Variants in CSNK1G3 observed in about 807,000 individuals in gnomAD.
CSNK1G3 encodes casein kinase I isoform gamma-3.
A neutral mutation model predicts 64.3 loss-of-function variants in CSNK1G3; 23 were observed. The observed-to-expected ratio is 0.36, with a 90% CI of 0.26 to 0.51. CSNK1G3 has a LOEUF of 0.51. Among genes scored for constraint, CSNK1G3 ranks in the 20% least tolerant of loss-of-function variants. The pLI is 0.96. For missense variants in CSNK1G3, 357 were observed against 510.5 expected (o/e 0.70, Z 2.90); for synonymous variants, 158 against 162.2 (o/e 0.97, Z 0.20).
intron 12 of CSNK1G3, among the ~76,000 whole-genome samples, chr5:123,609,910 G>GC (rs11432895): frequency 0.82 from 124,379 of 152,020 alleles, 51,309 homozygotes; most frequent in East Asian, 0.99. Context: ...AAAGGGCATG[G>GC]CATATTTATG....
intron 2 of CSNK1G3, among the ~76,000 whole-genome samples, chr5:123,550,586 T>A (rs1001972149): frequency 2.6e-5 from 4 of 152,222 alleles, no homozygotes; most frequent in African/African-American, 9.7e-5. Flanking sequence ...TTGAAGAACA[T>A]AGTTTTTGAT....
intron 2 of CSNK1G3, chr5:123,552,842 AAGTC>A: frequency 4.4e-6 from 1 of 229,750 alleles, no homozygotes; most frequent in Non-Finnish European, 8.6e-6. Flanking sequence ...TATTCCAAGA[AAGTC>A]AGAATCTTTC....
At chr5:123,588,084 C>T (rs112303138) in exon 7 of CSNK1G3, 98 of 1,576,830 alleles carry the variant, frequency 6.2e-5, no homozygotes, top group Admixed American at 1.6e-4. Context: ...GTAGAAGAGA[C>T]GATTTAGAAG....
intron 10 of CSNK1G3, among the ~76,000 whole-genome samples, chr5:123,599,238 A>G (rs938491415): frequency 6.6e-6 from 1 of 152,212 alleles, no homozygotes; most frequent in Non-Finnish European, 1.5e-5. Flanking sequence ...TACTATGTAC[A>G]TGTACTATGT....
chr5:123,525,870 C>T (rs751170942), intron 1 of CSNK1G3, among the ~76,000 whole-genome samples: 10 of 151,486 alleles, frequency 6.6e-5, no homozygotes, highest in South Asian at 2.1e-4. Flanking sequence ...TGGTGGCGGG[C>T]GCCTGTAGTC....
chr5:123,576,090 A>G lies in CSNK1G3; in HGVS notation c.673+127A>G, dbSNP rs530182498. 508 of 587,288 alleles carry G rather than the reference A, an allele frequency of 8.6e-4. 1 individual carries two copies. The highest frequency in any genetic ancestry group is 1.3e-3 in the Admixed American group (40 of 31,542). 36.4% of individuals were successfully genotyped at this position (587,288 alleles called of 1,614,324 possible). A position where few individuals can be genotyped will look rare whatever the true frequency, so the allele number is the denominator to read the frequency against. ...TTTTATTATAATTTTCATTTATCAC[A>G]TCTACCTAGAGTTTACTTTCACTTA... On this transcript the variant is annotated intron_variant, in intron 6 of 12. Coordinates refer to ENST00000345990, the Ensembl canonical transcript of CSNK1G3.
chr5:123,616,649 C>T (rs1388184031), exon 13 of CSNK1G3: 1 of 152,376 alleles, frequency 6.6e-6, no homozygotes, highest in Non-Finnish European at 1.5e-5. Flanking sequence ...CATTTTTATG[C>T]TTATTTTCTG....
At chr5:123,608,493 C>T (rs927061456) in intron 12 of CSNK1G3, among the ~76,000 whole-genome samples, 1 of 152,124 alleles carries the variant, frequency 6.6e-6, no homozygotes, top group Non-Finnish European at 1.5e-5. Context: ...CTTAGGAAAA[C>T]AAAATAATTT....
In CSNK1G3 at chr5:123,533,822, A is replaced by AT. The variant is rs200813538; in HGVS notation, c.-247-11589dup. Among the ~76,000 whole-genome samples, 61 of 144,154 alleles carry AT rather than the reference A, an allele frequency of 4.2e-4. 1 individual carries two copies. The East Asian group carries it at 0.011, about 25-fold the overall frequency. 94.6% of individuals were successfully genotyped at this position (144,154 alleles called of 152,430 possible). A position where few individuals can be genotyped will look rare whatever the true frequency, so the allele number is the denominator to read the frequency against. On this transcript the variant is annotated intron_variant, in intron 1 of 12. Coordinates refer to ENST00000345990, the Ensembl canonical transcript of CSNK1G3. ...CCCCCAGAGGTTTTTTCTTTTTTTT[A>AT]TTTTTTATTTTTTGGAAGAGGGTGT...
rs542781963 is a variant in CSNK1G3, at chr5:123,561,302, A to G, written c.289+3738A>G. Reference sequence around the variant, plus strand: ...ACCTGGGTTTGGGAGTCATCAGCACATAGATGGTTTTTAAAGCTAAAGAAA... The same window carrying G: ...ACCTGGGTTTGGGAGTCATCAGCACGTAGATGGTTTTTAAAGCTAAAGAAA... On this transcript the variant is annotated intron_variant, in intron 4 of 12. Coordinates refer to ENST00000345990, the Ensembl canonical transcript of CSNK1G3. Among the ~76,000 whole-genome samples the G allele has an allele frequency of 5.3e-5, 8 of 152,340 alleles. No individual in the cohort carries two copies. In the South Asian group the frequency reaches 1.4e-3, roughly 28 times the overall value.
At chr5:123,554,586 CA>C (rs1784284695) in intron 3 of CSNK1G3, among the ~76,000 whole-genome samples, 1 of 152,218 alleles carries the variant, frequency 6.6e-6, no homozygotes, top group African/African-American at 2.4e-5. Context: ...CTCGGCCTCC[CA>C]AAGTGCTGGG....
chr5:123,525,799 C>T (rs1367528918), intron 1 of CSNK1G3, among the ~76,000 whole-genome samples: 1 of 151,706 alleles, frequency 6.6e-6, no homozygotes, highest in Non-Finnish European at 1.5e-5. Context: ...CGAGACTGTC[C>T]TGGCTAACAT....
At chr5:123,603,752 G>C (rs1009246099) in intron 10 of CSNK1G3, among the ~76,000 whole-genome samples, 4 of 152,102 alleles carry the variant, frequency 2.6e-5, no homozygotes, top group African/African-American at 9.7e-5. Flanking sequence ...GTGACAATAG[G>C]TAATGCCAAG....
intron 12 of CSNK1G3, 123 bp downstream of exon 13, chr5:123,605,485 T>C (rs1401419168): frequency 4.7e-6 from 5 of 1,056,498 alleles, no homozygotes; most frequent in African/African-American, 3.2e-5. Flanking sequence ...GTAAAAGTTA[T>C]TCAAAAGTAT....
intron 12 of CSNK1G3, among the ~76,000 whole-genome samples, chr5:123,611,087 G>T (rs1195376155): frequency 6.6e-6 from 1 of 152,198 alleles, no homozygotes; most frequent in Non-Finnish European, 1.5e-5. Context: ...CAGATTAAGT[G>T]CTGGGGAAGA....
intron 12 of CSNK1G3, among the ~76,000 whole-genome samples, chr5:123,610,832 A>T (rs959257474): frequency 2.0e-5 from 3 of 152,030 alleles, no homozygotes; most frequent in Non-Finnish European, 4.4e-5. Flanking sequence ...TGAAAAAAAA[A>T]TTTACCAGCT....
rs1252675888 is a variant in CSNK1G3 at position 123,565,959 on chromosome 5, A to G, written c.290-7434A>G. ...GATTATAACTCAACGTAAGATTTAG[A>G]GGGGACAACACCCAAACTATATCAC... On this transcript the variant is annotated intron_variant, in intron 4 of 12. Coordinates refer to ENST00000345990, the Ensembl canonical transcript of CSNK1G3. Among the ~76,000 whole-genome samples the G allele has an allele frequency of 2.0e-5, 3 of 152,314 alleles. No individual in the cohort carries two copies. In the East Asian group the frequency reaches 5.8e-4, roughly 29 times the overall value.
intron 4 of CSNK1G3, among the ~76,000 whole-genome samples, chr5:123,558,520 G>A (rs1204811726): frequency 6.6e-6 from 1 of 152,054 alleles, no homozygotes; most frequent in Non-Finnish European, 1.5e-5. Context: ...GTATCTTTTT[G>A]TAAGCATGTT....
intron 4 of CSNK1G3, among the ~76,000 whole-genome samples, chr5:123,566,243 T>TG (rs1404810563): frequency 6.6e-6 from 1 of 152,164 alleles, no homozygotes; most frequent in African/African-American, 2.4e-5. Context: ...AAGTGAATTT[T>TG]GGGGGAGTGA....
Sources: gnomAD v4.1 joint callset for allele counts (sites outside exome capture counted in the v4.1 genomes callset) on GRCh38, gnomAD v4.1.1 for gene constraint, MANE v1.5 for transcripts, NCBI Gene and HGNC (gene_info 2026-07-23, HGNC 2026-07-21) for gene names.